The following STRBP variants were observed in gnomAD, a reference collection of about 807,000 sequenced individuals.
The protein encoded by STRBP is spermatid perinuclear RNA binding protein, also known as spermatid perinuclear RNA-binding protein.
A neutral mutation model predicts 80.1 loss-of-function variants in STRBP; 13 were observed. That is an observed-to-expected ratio of 0.16 (90% CI 0.11 to 0.26). STRBP has a LOEUF of 0.26. Among genes scored for constraint, STRBP ranks in the 10% least tolerant of loss-of-function variants. The pLI is 1.00. For missense variants in STRBP, 485 were observed against 815.2 expected (o/e 0.59, Z 4.93); for synonymous variants, 284 against 291.2 (o/e 0.98, Z 0.25).
chr9:123,146,866 C>G lies in STRBP; in HGVS notation c.1327G>C (p.Val443Leu). 1 of 1,611,792 alleles carries G rather than the reference C, an allele frequency of 6.2e-7. No individual in the cohort carries two copies. The change falls in exon 13 of 19, where the codon GTA (valine) becomes CTA (leucine). Residue 443 changes from valine (V) to leucine (L), a missense_variant. Around this residue, in one of 3 missense-constraint regions of STRBP, gnomAD observed 377 missense variants for 616.1 expected, o/e 0.61. Transcript: ENST00000348403. ...AACAAATACTGTACCTTCACCGCTA[C>G]GTGAAGTTTTGCTGTTTTCTTGGAT... The part of the protein sequence containing the change: ...GPSKKTAKLH[V>L]AVKVLQAMGY...
At chr9:123,227,894 C>T (rs1479017187) in intron 2 of STRBP, among the ~76,000 whole-genome samples, 2 of 152,148 alleles carry the variant, frequency 1.3e-5, no homozygotes, top group Non-Finnish European at 2.9e-5. Flanking sequence ...ATTCTGGCTA[C>T]TGTGTTGAGC....
intron 4 of STRBP, among the ~76,000 whole-genome samples, chr9:123,178,115 C>G (rs1368395594): frequency 6.6e-6 from 1 of 152,158 alleles, no homozygotes; most frequent in African/African-American, 2.4e-5. Context: ...TATCTTTGAT[C>G]TGAAGATAAA....
intron 2 of STRBP, among the ~76,000 whole-genome samples, chr9:123,209,082 G>A (rs2039621038): frequency 6.6e-6 from 1 of 152,158 alleles, no homozygotes; most frequent in Admixed American, 6.5e-5. Flanking sequence ...TGTGCAGCCT[G>A]TTGCCCAAAG....
At chr9:123,166,519 C>T (rs1038302398) in intron 6 of STRBP, among the ~76,000 whole-genome samples, 12 of 152,088 alleles carry the variant, frequency 7.9e-5, no homozygotes, top group African/African-American at 2.2e-4. Flanking sequence ...TTTGGGAGGC[C>T]GAGGCGGGCA....
chr9:123,231,616 T>G (rs901543917), intron 2 of STRBP, among the ~76,000 whole-genome samples: 1 of 152,224 alleles, frequency 6.6e-6, no homozygotes, highest in African/African-American at 2.4e-5. Context: ...CCCCTTCTCC[T>G]GACATCAAAT....
At chr9:123,160,330 C>A in intron 8 of STRBP, 37 bp downstream of exon 8, 1 of 1,455,350 alleles carries the variant, frequency 6.9e-7, no homozygotes, top group Non-Finnish European at 9.3e-7. Flanking sequence ...TCTGCTACAG[C>A]TTCCAAATTT....
At chr9:123,161,344 A>T (rs2037514785) in intron 6 of STRBP, among the ~76,000 whole-genome samples, 1 of 152,244 alleles carries the variant, frequency 6.6e-6, no homozygotes, top group South Asian at 2.1e-4. Flanking sequence ...TGCTACTTAA[A>T]ATCTGGGATC....
intron 2 of STRBP, among the ~76,000 whole-genome samples, chr9:123,185,562 G>T (rs191139509): frequency 6.6e-6 from 1 of 152,070 alleles, no homozygotes; most frequent in African/African-American, 2.4e-5. Context: ...CACAGTAAGA[G>T]ATATCTCAAA....
chr9:123,169,403 T>G (rs1173036175), intron 6 of STRBP, among the ~76,000 whole-genome samples: 1 of 152,066 alleles, frequency 6.6e-6, no homozygotes, highest in Non-Finnish European at 1.5e-5. Flanking sequence ...ACTCCTGGCC[T>G]CAAGCAATCC....
rs533380521 is a variant in STRBP, at chr9:123,197,325, C to A, written c.-164-13027G>T. ...GAAAACAATCTAGTATTTGATAACA[C>A]AACAGGGTGATTACAGTCAGTAATT... On this transcript the variant is annotated intron_variant, in intron 2 of 18. Transcript: ENST00000348403. Among the ~76,000 whole-genome samples, 163 of 152,208 alleles carry A rather than the reference C, an allele frequency of 1.1e-3. 1 individual carries two copies. The highest frequency in any genetic ancestry group is 3.5e-3 in the African/African-American group (146 of 41,510).
At chr9:123,140,789 T>A (rs1378889291) in intron 13 of STRBP, among the ~76,000 whole-genome samples, 1 of 152,244 alleles carries the variant, frequency 6.6e-6, no homozygotes, top group African/African-American at 2.4e-5. Context: ...TTTGTCTTAC[T>A]TTTTTGAAAT....
chr9:123,130,416 G>T lies in STRBP; in HGVS notation c.1898-2158C>A, dbSNP rs181094158. Among the ~76,000 whole-genome samples, 49 of 152,174 alleles carry T rather than the reference G, an allele frequency of 3.2e-4. No homozygotes were observed. In the East Asian group the frequency reaches 8.1e-3, roughly 25 times the overall value. On this transcript the variant is annotated intron_variant, in intron 17 of 18. Transcript: ENST00000348403. ...AGGTCAATGCAATGACACAAGAGAG[G>T]AGTCACTATAGAGTAAAGCCTGGCA...
intron 14 of STRBP, among the ~76,000 whole-genome samples, chr9:123,137,804 C>T (rs898000466): frequency 6.6e-6 from 1 of 152,152 alleles, no homozygotes; most frequent in African/African-American, 2.4e-5. Context: ...ATGCTTCAGA[C>T]GTGAAACATC....
chr9:123,186,829 A>ATTT (rs1564279403), intron 2 of STRBP, among the ~76,000 whole-genome samples: 29 of 149,364 alleles, frequency 1.9e-4, no homozygotes, highest in Admixed American at 1.6e-3. Flanking sequence ...TTTTTTTAAA[A>ATTT]AAAAAAAAAA....
chr9:123,186,979 A>T (rs969444240), intron 2 of STRBP, among the ~76,000 whole-genome samples: 1 of 152,064 alleles, frequency 6.6e-6, no homozygotes, highest in Non-Finnish European at 1.5e-5. Flanking sequence ...TTCCTTTCTT[A>T]ATAAAATGAG....
chr9:123,228,333 G>A (rs890923754), intron 2 of STRBP, among the ~76,000 whole-genome samples: 18 of 152,194 alleles, frequency 1.2e-4, no homozygotes, highest in Non-Finnish European at 2.9e-5. Flanking sequence ...GCCAGTTCAA[G>A]GATAGTACTT....
At chr9:123,158,951 C>A in intron 9 of STRBP, 145 bp downstream of exon 9, 1 of 600,852 alleles carries the variant, frequency 1.7e-6, no homozygotes, top group African/African-American at 1.9e-5. Flanking sequence ...ACTTTTCCAA[C>A]ACGCATTCTA....
intron 1 of STRBP, among the ~76,000 whole-genome samples, chr9:123,238,254 C>T (rs770401720): frequency 1.3e-5 from 2 of 152,196 alleles, no homozygotes; most frequent in African/African-American, 2.4e-5. Flanking sequence ...TCAAGACCAG[C>T]CTAGGCAACA....
intron 1 of STRBP, among the ~76,000 whole-genome samples, chr9:123,237,727 A>G (rs780270063): frequency 6.6e-6 from 1 of 152,150 alleles, no homozygotes; most frequent in Non-Finnish European, 1.5e-5. Context: ...TCAGGGCTCT[A>G]TTTCAGCAAC....
Sources: gnomAD v4.1 joint callset for allele counts (sites outside exome capture counted in the v4.1 genomes callset) on GRCh38, gnomAD v4.1.1 for gene constraint, gnomAD v4.1.1 regional missense constraint, MANE v1.5 for transcripts, NCBI Gene and HGNC (gene_info 2026-07-23, HGNC 2026-07-21) for gene names.